The following CCSER2 variants were observed in gnomAD, a reference collection of about 807,000 sequenced individuals.
CCSER2 encodes coiled-coil serine rich protein 2.
In CCSER2, 46 loss-of-function variants were observed where a neutral mutation model predicts 92.3. That is an observed-to-expected ratio of 0.50 (90% confidence interval 0.39 to 0.64). The LOEUF is 0.64. CCSER2 is among the 30% of genes least tolerant of loss of function. The pLI, the probability that CCSER2 is intolerant of heterozygous loss-of-function variation, is 0.00. For missense variants in CCSER2, 1,244 were observed against 1,238.9 expected (o/e 1.00, Z -0.06); for synonymous variants, 433 against 431.4 (o/e 1.00, Z -0.04).
At chr10:84,352,901 AT>A (rs1193116786) in intron 1 of CCSER2, among the ~76,000 whole-genome samples, 1 of 151,678 alleles carries the variant, frequency 6.6e-6, no homozygotes, top group African/African-American at 2.4e-5. Context: ...ATTGACTCTT[AT>A]GCCTCAGCCT....
chr10:84,348,774 A>C (rs909819649), intron 1 of CCSER2, among the ~76,000 whole-genome samples: 3 of 152,144 alleles, frequency 2.0e-5, no homozygotes, highest in African/African-American at 7.2e-5. Flanking sequence ...ACTCAGAGAA[A>C]TGTTGCAAGA....
chr10:84,371,437 A>C lies in CCSER2; in HGVS notation c.385A>C (p.Thr129Pro). 6.2e-7 allele frequency: 1 copy of C among 1,613,720 alleles called. No homozygotes were observed. The highest frequency in any genetic ancestry group is 1.7e-4 in the Middle Eastern group (1 of 6,058). ...LFTSKLAKPS[T>P]MFVSSTEELN... ...CACATCAAAGTTAGCAAAGCCATCC[A>C]CTATGTTTGTGTCATCTACAGAGGA... The change falls in exon 2 of 10, where the codon ACT becomes CCT. Residue 129 changes from threonine (T) to proline (P), a missense_variant. Transcript: ENST00000372088.
At chr10:84,376,013 G>A (rs2133191222) in intron 3 of CCSER2, among the ~76,000 whole-genome samples, 1 of 152,016 alleles carries the variant, frequency 6.6e-6, no homozygotes, top group African/African-American at 2.4e-5. Flanking sequence ...TACATCAACT[G>A]TGTCACTTCT....
In CCSER2 at chr10:84,359,994, A is replaced by G. The variant is rs991091221; in HGVS notation, c.-39-11020A>G. On this transcript the variant is annotated intron_variant, in intron 1 of 9. Coordinates refer to ENST00000372088, the MANE Select transcript of CCSER2 (RefSeq NM_001284240.2). The stretch of plus-strand genomic sequence containing the variant: ...ACACCCAGCTGATTTTTGTATTTTT[A>G]GTAGAGATGGGGTTTCACCATCTTG... Among the ~76,000 whole-genome samples, 5 of 151,918 alleles carry G rather than the reference A, an allele frequency of 3.3e-5. No individual in the cohort carries two copies. In the East Asian group the frequency reaches 7.7e-4, roughly 23 times the overall value.
intron 9 of CCSER2, among the ~76,000 whole-genome samples, chr10:84,481,611 C>A (rs1032534372): frequency 5.9e-5 from 9 of 152,056 alleles, no homozygotes; most frequent in African/African-American, 2.2e-4. Flanking sequence ...TAGGGCAAGA[C>A]AAAGGTTTCT....
chr10:84,360,573 C>G (rs1204517689), intron 1 of CCSER2, among the ~76,000 whole-genome samples: 1 of 152,186 alleles, frequency 6.6e-6, no homozygotes, highest in Admixed American at 6.5e-5. Context: ...ATGATGTACT[C>G]TTGGTGAATT....
intron 7 of CCSER2, among the ~76,000 whole-genome samples, chr10:84,465,196 T>A (rs960727132): frequency 7.5e-5 from 11 of 147,064 alleles, no homozygotes; most frequent in Admixed American, 6.9e-4. Context: ...ATTGTGAATT[T>A]GTGACTGACA....
At chr10:84,328,942 A>G (rs1843401893) in intron 1 of CCSER2, 134 bp downstream of exon 1, 1 of 151,512 alleles carries the variant, frequency 6.6e-6, no homozygotes, top group African/African-American at 2.4e-5. Context: ...GCCCTCCCGT[A>G]CCCGGCCTCC....
rs750358910 is a variant in CCSER2, at chr10:84,513,998, G to A, written c.2875G>A (p.Ala959Thr). 4.4e-5 allele frequency: 68 copies of A among 1,536,674 alleles called. No homozygotes were observed. The East Asian group carries it at 1.2e-3, about 28-fold the overall frequency. Residue 959 changes from alanine (A) to threonine (T), a missense_variant, in exon 10 of 10, where the codon GCA (alanine) becomes ACA (threonine). Ala to Thr is a moderately conservative substitution (Grantham distance 58, BLOSUM62 0). Coordinates refer to ENST00000372088, the MANE Select transcript of CCSER2 (RefSeq NM_001284240.2). Reference protein sequence around the residue: ...KSPIITTCNSAKLQPTSSQTN... With the variant: ...KSPIITTCNSTKLQPTSSQTN... ...ACCAATAATCACAACATGTAATTCA[G>A]CAAAACTTCAGCCAACATCTAGTCA...
chr10:84,471,902 G>A (rs1309814740), intron 8 of CCSER2, among the ~76,000 whole-genome samples: 2 of 152,000 alleles, frequency 1.3e-5, no homozygotes, highest in African/African-American at 2.4e-5. Context: ...TAAGGAATAT[G>A]CTGAAGGAAG....
intron 2 of CCSER2, among the ~76,000 whole-genome samples, chr10:84,373,077 C>T (rs1846150851): frequency 6.6e-6 from 1 of 151,964 alleles, no homozygotes; most frequent in Non-Finnish European, 1.5e-5. Flanking sequence ...TTTGTATGCC[C>T]ATATACCTGA....
At chr10:84,370,920 C>G (rs1240134368) in intron 1 of CCSER2, 94 bp from the exon 2 acceptor site, 1 of 541,428 alleles carries the variant, frequency 1.8e-6, no homozygotes, top group African/African-American at 2.0e-5. Context: ...TTGGGTTTTT[C>G]TGCGTATAAA....
intron 9 of CCSER2, among the ~76,000 whole-genome samples, chr10:84,486,012 C>T (rs577546576): frequency 3.3e-5 from 5 of 152,004 alleles, no homozygotes; most frequent in African/African-American, 1.2e-4. Flanking sequence ...TTTGTTCTTG[C>T]GATAGTTTGC....
At chr10:84,477,704 G>C in intron 9 of CCSER2, 40 bp downstream of exon 9, 1 of 1,089,318 alleles carries the variant, frequency 9.2e-7, no homozygotes, top group Non-Finnish European at 1.4e-6. Context: ...CCAGTCATTT[G>C]CTATTTTGAT....
chr10:84,457,315 A>ATATATAATATGTTAT, intron 6 of CCSER2, among the ~76,000 whole-genome samples: 1 of 59,328 alleles, frequency 1.7e-5, no homozygotes, highest in East Asian at 4.4e-4. Flanking sequence ...TGTTATATAT[A>ATATATAATATGTTAT]ATATATTATA....
intron 9 of CCSER2, among the ~76,000 whole-genome samples, chr10:84,487,288 T>C (rs894784421): frequency 1.6e-4 from 25 of 152,318 alleles, no homozygotes; most frequent in African/African-American, 5.5e-4. Flanking sequence ...AAGAAAGTAA[T>C]TGGTAGCTTG....
chr10:84,391,521 A>C, intron 3 of CCSER2: 2 of 1,511,124 alleles, frequency 1.3e-6, no homozygotes, highest in Non-Finnish European at 9.2e-7. Context: ...CTGGGAATCA[A>C]CCCAAATCCA....
chr10:84,457,294 T>TATATATAA (rs1564684830), intron 6 of CCSER2, among the ~76,000 whole-genome samples: 21 of 51,464 alleles, frequency 4.1e-4, no homozygotes, highest in East Asian at 1.1e-3. Context: ...TATTATATAT[T>TATATATAA]ATATATAATA....
rs113363399 is a variant in CCSER2, at chr10:84,385,755, C to G, written c.1614+11940C>G. 2.5e-3 allele frequency among the ~76,000 whole-genome samples: 382 copies of G among 152,014 alleles called. 1 individual carries two copies. The highest frequency in any genetic ancestry group is 8.5e-3 in the African/African-American group (351 of 41,488). ...ACAAATCAAAAATAGATAAATGGGA[C>G]TTAATTAAGCTTTTGCACAGCAGAA... On this transcript the variant is annotated intron_variant, in intron 3 of 9. Coordinates refer to ENST00000372088, the MANE Select transcript of CCSER2 (RefSeq NM_001284240.2).
Sources: gnomAD v4.1 joint callset for allele counts (sites outside exome capture counted in the v4.1 genomes callset) on GRCh38, gnomAD v4.1.1 for gene constraint, MANE v1.5 for transcripts, NCBI Gene and HGNC (gene_info 2026-07-23, HGNC 2026-07-21) for gene names.